The following LAMA1 variants were observed in gnomAD, a reference collection of about 807,000 sequenced individuals.
The protein encoded by LAMA1 is laminin subunit alpha-1.
LAMA1 carries 219 observed loss-of-function variants against 348.7 expected under a neutral mutation model. The observed-to-expected ratio is 0.63, with a 90% CI of 0.56 to 0.70. The LOEUF is 0.70. LAMA1 is among the 30% of genes least tolerant of loss of function. The pLI is 0.00. For missense variants in LAMA1, 3,744 were observed against 3,888.0 expected, an observed-to-expected ratio of 0.96 and a Z score of 0.99; for synonymous variants, 1,487 against 1,491.0, an observed-to-expected ratio of 1.00 and a Z score of 0.06.
At chr18:6,977,445 T>A (rs2057687624) in intron 44 of LAMA1, among the ~76,000 whole-genome samples, 1 of 152,260 alleles carries the variant, frequency 6.6e-6, no homozygotes, top group Non-Finnish European at 1.5e-5. Context: ...CTAATAGTTT[T>A]AAATTTAGTC....
intron 16 of LAMA1, among the ~76,000 whole-genome samples, chr18:7,029,668 G>A (rs1291420625): frequency 6.6e-6 from 1 of 152,170 alleles, no homozygotes; most frequent in East Asian, 1.9e-4. Flanking sequence ...CTCTCCTTGG[G>A]GAGGAAAAAC....
intron 45 of LAMA1, 125 bp downstream of exon 45, chr18:6,975,812 G>A (rs1451263970): frequency 9.1e-7 from 1 of 1,096,884 alleles, no homozygotes; most frequent in African/African-American, 1.6e-5. Flanking sequence ...ACAAAGGTTA[G>A]TCCCTATGGG....
At chr18:7,068,700 G>A (rs1484356114) in intron 3 of LAMA1, among the ~76,000 whole-genome samples, 1 of 151,688 alleles carries the variant, frequency 6.6e-6, no homozygotes, top group African/African-American at 2.4e-5. Context: ...CCTAGCTGAG[G>A]TTTTTATAAG....
At chr18:6,974,736 C>T (rs530180497) in intron 46 of LAMA1, among the ~76,000 whole-genome samples, 167 bp downstream of exon 46, 1 of 152,286 alleles carries the variant, frequency 6.6e-6, no homozygotes, top group Admixed American at 6.5e-5. Context: ...GTGTGAGCCA[C>T]TGGCCACAAA....
chr18:6,978,828 T>G (rs1010101783), intron 42 of LAMA1, among the ~76,000 whole-genome samples: 9 of 152,308 alleles, frequency 5.9e-5, no homozygotes, highest in African/African-American at 1.9e-4. Context: ...TAATAAGGAT[T>G]TGGATCCTAG....
At chr18:6,945,918 C>G (rs2057519500) in intron 61 of LAMA1, among the ~76,000 whole-genome samples, 1 of 152,070 alleles carries the variant, frequency 6.6e-6, no homozygotes, top group South Asian at 2.1e-4. Context: ...CATCGAGACT[C>G]CCTTCCCCGC....
intron 55 of LAMA1, 70 bp from the exon 56 acceptor site, chr18:6,956,835 G>T: frequency 6.6e-7 from 1 of 1,517,088 alleles, no homozygotes; most frequent in Non-Finnish European, 9.1e-7. Context: ...CAAGTCATCT[G>T]ATAACTGTAC....
Position 6,973,209 on chromosome 18 carries a change from T to C in LAMA1, c.6624-2A>G. The C allele has an allele frequency of 1.2e-6, 2 of 1,614,068 alleles. No homozygotes were observed. The highest frequency in any genetic ancestry group is 1.7e-6 in the Non-Finnish European group (2 of 1,179,952). On this transcript the variant is annotated splice_acceptor_variant, in intron 46 of 62. Coordinates refer to ENST00000389658, the MANE Select transcript of LAMA1 (RefSeq NM_005559.4). LOFTEE classifies it high-confidence loss of function. ...CTCAGTGAACCAATGTTTCCAAATC[T>C]AAGGGTTACAAAGAATTGCAAAAGA...
chr18:7,099,749 C>A (rs2058283698), intron 1 of LAMA1, among the ~76,000 whole-genome samples: 1 of 151,640 alleles, frequency 6.6e-6, no homozygotes, highest in Non-Finnish European at 1.5e-5. Context: ...ACAAAACATA[C>A]CATTAAGAAA....
chr18:6,995,404 T>C lies in LAMA1; in HGVS notation c.4849A>G (p.Ile1617Val), dbSNP rs142117946. The C allele has an allele frequency of 5.6e-5, 90 of 1,613,258 alleles. No individual in the cohort carries two copies. The African/African-American group carries it at 1.0e-3, about 19-fold the overall frequency. ...KENMQKDLGK[I>V]KLEGVAEETD... ...TCTTCTGCAACACCTTCAAGCTTAATTTTTCCCAGGTCCTTTTGCATATTT... is the reference window on the plus strand; with the variant it reads ...TCTTCTGCAACACCTTCAAGCTTAACTTTTCCCAGGTCCTTTTGCATATTT... The change falls in exon 34 of 63, where the codon ATT becomes GTT. Residue 1617 changes from isoleucine (I) to valine (V), a missense_variant. Physicochemically the swap from Ile to Val is conservative, Grantham distance 29. This residue lies in a region of LAMA1 where 1,983 missense variants were observed against 1,934.3 expected (regional missense o/e 1.03). Transcript: ENST00000389658.
At chr18:7,079,644 C>T (rs1293858873) in intron 3 of LAMA1, 1 of 389,060 alleles carries the variant, frequency 2.6e-6, no homozygotes, top group Non-Finnish European at 4.8e-6. Context: ...ATGTGTTTTC[C>T]CCCTCTCCCT....
chr18:7,081,428 C>T (rs1447597347), intron 1 of LAMA1, among the ~76,000 whole-genome samples: 2 of 152,068 alleles, frequency 1.3e-5, no homozygotes, highest in African/African-American at 4.8e-5. Flanking sequence ...TTGTCTCTCT[C>T]TTCTCTTTCT....
At position 7,038,867 on chromosome 18, in the gene LAMA1, C is replaced by A; in HGVS notation, c.1506G>T (p.Glu502Asp). 6.2e-7 allele frequency: 1 copy of A among 1,614,198 alleles called. No individual in the cohort carries two copies. The highest frequency in any genetic ancestry group is 8.5e-7 in the Non-Finnish European group (1 of 1,180,028). Residue 502 changes from glutamate to aspartate, a missense_variant, in exon 11 of 63, where the codon GAG becomes GAT. Glu to Asp is a conservative substitution (Grantham distance 45, BLOSUM62 2). Around this residue, in one of 3 missense-constraint regions of LAMA1, gnomAD observed 1,529 missense variants for 1,689.4 expected, o/e 0.91. Transcript: ENST00000389658. Reference sequence around the variant, plus strand: ...CATCAGAAACGCCAAAGCAGAAGCACTCGGAGCAGCCCCGGGGGTTTTTTT... The same window carrying A: ...CATCAGAAACGCCAAAGCAGAAGCAATCGGAGCAGCCCCGGGGGTTTTTTT... ...LKEKNPRGCS[E>D]CFCFGVSDVC...
intron 4 of LAMA1, 36 bp from the exon 5 acceptor site, chr18:7,049,293 T>C (rs2058053916): frequency 6.4e-7 from 1 of 1,558,990 alleles, no homozygotes; most frequent in East Asian, 2.2e-5. Flanking sequence ...TGAATGTCAA[T>C]TGTTTATTTA....
At chr18:7,091,688 C>T (rs1272233767) in intron 1 of LAMA1, among the ~76,000 whole-genome samples, 2 of 152,164 alleles carry the variant, frequency 1.3e-5, no homozygotes, top group Admixed American at 6.5e-5. Context: ...AATCACTTTT[C>T]GTTTAGTGCT....
chr18:6,969,700 C>G (rs899321611), intron 48 of LAMA1, among the ~76,000 whole-genome samples: 1 of 152,138 alleles, frequency 6.6e-6, no homozygotes, highest in African/African-American at 2.4e-5. Context: ...GTGGCCAGCC[C>G]TCCGTCAAAA....
chr18:7,054,532 C>T (rs2058074002), intron 3 of LAMA1, among the ~76,000 whole-genome samples: 1 of 152,192 alleles, frequency 6.6e-6, no homozygotes, highest in South Asian at 2.1e-4. Flanking sequence ...CTTCCTCTAA[C>T]CTGGATGGAT....
chr18:6,982,546 G>A lies in LAMA1; in HGVS notation c.5841C>T (p.Arg1947=), dbSNP rs1600370707. The A allele has an allele frequency of 6.2e-7, 1 of 1,614,164 alleles. No individual in the cohort carries two copies. Among genetic ancestry groups the A allele is most frequent in the Non-Finnish European group, 8.5e-7 (1 of 1,180,022 alleles). Residue 1947 remains arginine, a synonymous_variant, in exon 41 of 63, where the codon CGC becomes CGT. Coordinates refer to ENST00000389658, the MANE Select transcript of LAMA1 (RefSeq NM_005559.4). ...TGCCTTCTTTTAGAAATCTGGAGCT[G>A]CGCTGCACGGCCGCTTTCCCGTTAG... is the stretch of plus-strand genomic sequence containing the variant. ...LVSNGKAAVQ[R]SSRFLKEGNN... is the part of the protein sequence containing the mutation.
Position 6,971,945 on chromosome 18 carries a change from A to C in LAMA1, c.6811T>G (p.Cys2271Gly). ...PAVKVTHFKG[C>G]LGEAFLNGKS... ...CCATTCAGGAAGGCCTCCCCCAAGCAGCCTTTAAAATGAGTAACCTTCACA... is the reference window on the plus strand; with the variant it reads ...CCATTCAGGAAGGCCTCCCCCAAGCCGCCTTTAAAATGAGTAACCTTCACA... The change falls in exon 48 of 63, where the codon TGC (cysteine) becomes GGC (glycine). Residue 2271 changes from cysteine to glycine, a missense_variant. Coordinates refer to ENST00000389658, the MANE Select transcript of LAMA1 (RefSeq NM_005559.4). 6.2e-7 allele frequency: 1 copy of C among 1,614,094 alleles called. No individual in the cohort carries two copies. The highest frequency in any genetic ancestry group is 8.5e-7 in the Non-Finnish European group (1 of 1,179,984).
Sources: allele counts gnomAD v4.1 joint callset (sites outside exome capture counted in the v4.1 genomes callset), GRCh38; gene constraint gnomAD v4.1.1; regional missense constraint gnomAD v4.1.1; transcripts MANE v1.5; gene names NCBI Gene and HGNC (gene_info 2026-07-23, HGNC 2026-07-21).